Variants in ZNF570 observed in about 807,000 individuals in gnomAD.
The protein encoded by ZNF570 is zinc finger protein 570.
In ZNF570, 8 loss-of-function variants were observed where a neutral mutation model predicts 14.2. That is an observed-to-expected ratio of 0.56 (90% CI 0.33 to 1.02). The LOEUF is 1.02. Among genes scored for constraint, ZNF570 ranks in the 50% least tolerant of loss-of-function variants. The pLI is 0.03. For missense variants in ZNF570, 559 were observed against 624.9 expected (o/e 0.89, Z 1.12); for synonymous variants, 202 against 207.6 (o/e 0.97, Z 0.23).
In ZNF570 at chr19:37,470,215, G is replaced by A; in HGVS notation, c.-51-89G>A. 3 of 1,225,252 alleles carry A rather than the reference G, an allele frequency of 2.4e-6. No individual in the cohort carries two copies. The South Asian group carries it at 3.9e-5, about 16-fold the overall frequency. 75.9% of individuals were successfully genotyped at this position (1,225,252 alleles called of 1,614,324 possible). On this transcript the variant is annotated intron_variant, in intron 1 of 4. Transcript: ENST00000330173. ...CTCTATTGGAGGGAAGGTTGCAAGA[G>A]GAGGAAAGAGAATCCTAAAAAGTCT...
rs763045435 is a variant in ZNF570 at position 37,475,989 on chromosome 19, A to G, written c.142A>G (p.Arg48Gly). ...LYSNVMLENYRILVSLGLCFS... is the reference protein window; with the variant it reads ...LYSNVMLENYGILVSLGLCFS... ...CAGTAATGTGATGCTAGAGAACTACAGGATCTTGGTATCACTGGGTAAGGA... is the reference window on the plus strand; with the variant it reads ...CAGTAATGTGATGCTAGAGAACTACGGGATCTTGGTATCACTGGGTAAGGA... The change falls in exon 3 of 5, where the codon AGG becomes GGG. Residue 48 changes from arginine (R) to glycine (G), a missense_variant. By Grantham distance (125) the Arg-to-Gly change is moderately radical (BLOSUM62 -2). Transcript: ENST00000330173. 2 of 1,612,262 alleles carry G rather than the reference A, an allele frequency of 1.2e-6. No individual in the cohort carries two copies. The highest frequency in any genetic ancestry group is 2.2e-5 in the South Asian group (2 of 90,572).
rs1400468356 is a variant in ZNF570, at chr19:37,478,806, G to A, written c.256+2372G>A. On this transcript the variant is annotated intron_variant, in intron 4 of 4. Coordinates refer to ENST00000330173, the MANE Select transcript of ZNF570 (RefSeq NM_144694.5). ...GTTTTAGTTTTTCACATCTTAATGT[G>A]GTAAATTACATACATTTTCAAATGT... Among the ~76,000 whole-genome samples, 5 of 151,188 alleles carry A rather than the reference G, an allele frequency of 3.3e-5. No homozygotes were observed. In the South Asian group the frequency reaches 8.4e-4, roughly 25 times the overall value.
At chr19:37,467,942 T>C, upstream of ZNF570, 1 of 1,536,072 alleles carries the variant, frequency 6.5e-7, no homozygotes, top group Non-Finnish European at 8.7e-7. Flanking sequence ...TGTGACAGTG[T>C]TATTGGATTT....
intron 2 of ZNF570, among the ~76,000 whole-genome samples, chr19:37,471,319 C>G (rs1163635791): frequency 6.6e-6 from 1 of 152,146 alleles, no homozygotes; most frequent in Non-Finnish European, 1.5e-5. Context: ...GGCCACTGCA[C>G]CCATGCATTC....
At chr19:37,472,891 A>G (rs1285109269) in intron 2 of ZNF570, among the ~76,000 whole-genome samples, 1 of 152,216 alleles carries the variant, frequency 6.6e-6, no homozygotes, top group Non-Finnish European at 1.5e-5. Context: ...ATAGAGAAAA[A>G]GGAATTGCTG....
chr19:37,481,788 A>G (rs2042090877), intron 4 of ZNF570, among the ~76,000 whole-genome samples: 1 of 152,226 alleles, frequency 6.6e-6, no homozygotes, highest in African/African-American at 2.4e-5. Flanking sequence ...CAGACTCACC[A>G]GGGATAAATT....
upstream of ZNF570, chr19:37,468,868 C>G (rs536800842): frequency 4.9e-5 from 8 of 163,128 alleles, no homozygotes; most frequent in Non-Finnish European, 8.7e-5. Context: ...CACCCTGCAT[C>G]CCCCCCACCC....
upstream of ZNF570, among the ~76,000 whole-genome samples, chr19:37,468,801 A>G (rs1356221559): frequency 6.6e-6 from 1 of 152,188 alleles, no homozygotes. Flanking sequence ...CCACCGTGCC[A>G]GGCTGAGGGT....
chr19:37,475,178 G>C (rs1348410789), intron 2 of ZNF570, among the ~76,000 whole-genome samples: 1 of 151,996 alleles, frequency 6.6e-6, no homozygotes, highest in Non-Finnish European at 1.5e-5. Context: ...TGGCCAGGCT[G>C]GTCTCAAACT....
chr19:37,476,033 A>G (rs779993111), intron 3 of ZNF570, 26 bp downstream of exon 3: 1 of 1,580,666 alleles, frequency 6.3e-7, no homozygotes, highest in Non-Finnish European at 8.6e-7. Context: ...TGCAAAACTG[A>G]GCTTCTGCTC....
upstream of ZNF570, chr19:37,469,337 G>T (rs181657361): frequency 3.5e-6 from 5 of 1,416,866 alleles, no homozygotes; most frequent in Non-Finnish European, 4.6e-6. Flanking sequence ...TGTCCTCCGG[G>T]GGCGGAGGCA....
intron 2 of ZNF570, among the ~76,000 whole-genome samples, chr19:37,475,464 CT>C (rs2042013471): frequency 6.6e-6 from 1 of 152,150 alleles, no homozygotes. Context: ...CCCTTTCTAG[CT>C]TCTTGAAATT....
upstream of ZNF570, among the ~76,000 whole-genome samples, chr19:37,468,639 G>A (rs144332255): frequency 2.6e-3 from 394 of 152,308 alleles, 1 homozygote; most frequent in African/African-American, 9.2e-3. Context: ...CTGAGTAGCT[G>A]GGACTTAAGG....
upstream of ZNF570, chr19:37,469,335 G>C (rs977106029): frequency 2.1e-6 from 3 of 1,414,548 alleles, no homozygotes; most frequent in Non-Finnish European, 2.8e-6. Flanking sequence ...TGTGTCCTCC[G>C]GGGGCGGAGG....
Position 37,484,753 on chromosome 19 carries a change from G to A in ZNF570, c.1131G>A (p.Gln377=), listed in dbSNP as rs1248797116. 1.2e-6 allele frequency: 2 copies of A among 1,613,956 alleles called. No homozygotes were observed. The highest frequency in any genetic ancestry group is 1.7e-6 in the Non-Finnish European group (2 of 1,179,998). The change falls in exon 5 of 5, where the codon CAG becomes CAA. Residue 377 remains glutamine, a synonymous_variant. Coordinates refer to ENST00000330173, the MANE Select transcript of ZNF570 (RefSeq NM_144694.5). ...TTCGTGCATACCTTACTGTACATCAGAGAATACATACTGGAGAGAGACCCT... is the reference window on the plus strand; with the variant it reads ...TTCGTGCATACCTTACTGTACATCAAAGAATACATACTGGAGAGAGACCCT... ...FSLRAYLTVH[Q]RIHTGERPYE...
intron 4 of ZNF570, among the ~76,000 whole-genome samples, chr19:37,481,400 G>A (rs944620920): frequency 2.0e-5 from 3 of 152,254 alleles, no homozygotes; most frequent in Middle Eastern, 3.4e-3. Flanking sequence ...TGATCTGCCC[G>A]CCTCAGCCTC....
upstream of ZNF570, chr19:37,469,310 G>A: frequency 4.2e-6 from 6 of 1,417,044 alleles, no homozygotes; most frequent in Non-Finnish European, 5.5e-6. Context: ...GCGGGAGTTG[G>A]GCCGGCGGCC....
chr19:37,468,904 T>G (rs1600370599), upstream of ZNF570: 3 of 245,196 alleles, frequency 1.2e-5, no homozygotes, highest in Non-Finnish European at 1.9e-5. Flanking sequence ...TTTTTTCGGG[T>G]ATCCAGCACA....
chr19:37,472,303 T>C (rs59224125), intron 2 of ZNF570, among the ~76,000 whole-genome samples: 39,981 of 151,458 alleles, frequency 0.26, 6,473 homozygotes, highest in African/African-American at 0.45. Context: ...TCTCTACCTC[T>C]ACTCTTGTTC....
Sources: gnomAD v4.1 joint callset for allele counts (sites outside exome capture counted in the v4.1 genomes callset) on GRCh38, gnomAD v4.1.1 for gene constraint, MANE v1.5 for transcripts, NCBI Gene and HGNC (gene_info 2026-07-23, HGNC 2026-07-21) for gene names.